PTPRD: variants seen among roughly 807,000 people sequenced by gnomAD.
PTPRD encodes receptor-type tyrosine-protein phosphatase delta.
A neutral mutation model predicts 214.5 loss-of-function variants in PTPRD; 34 were observed. That is an observed-to-expected ratio of 0.16 (90% CI 0.12 to 0.21). The LOEUF is 0.21. PTPRD is among the 10% of genes least tolerant of loss of function. The probability of loss-of-function intolerance (pLI) is 1.00; values close to 1 mark genes in which losing one functional copy is unlikely to be tolerated. For missense variants in PTPRD, 2,545 were observed against 2,398.7 expected (o/e 1.06, Z -1.27); for synonymous variants, 1,128 against 845.7 (o/e 1.33, Z -5.79).
chr9:10,309,275 A>G (rs911350449), intron 3 of PTPRD, among the ~76,000 whole-genome samples: 4 of 152,090 alleles, frequency 2.6e-5, no homozygotes, highest in Non-Finnish European at 4.4e-5. Context: ...CTTCACTTAA[A>G]AAATGGCTTA....
intron 9 of PTPRD, among the ~76,000 whole-genome samples, chr9:9,276,061 G>A (rs975062252): frequency 3.3e-5 from 5 of 151,444 alleles, no homozygotes; most frequent in Non-Finnish European, 7.4e-5. Context: ...GTAGGTTATA[G>A]CTCAGCTAAA....
At chr9:8,616,653 C>A (rs1388966696) in intron 14 of PTPRD, among the ~76,000 whole-genome samples, 1 of 152,088 alleles carries the variant, frequency 6.6e-6, no homozygotes, top group Non-Finnish European at 1.5e-5. Context: ...CTCATATCTG[C>A]AATCTTATTC....
intron 2 of PTPRD, among the ~76,000 whole-genome samples, chr9:10,490,631 T>C (rs984882988): frequency 6.6e-6 from 1 of 152,166 alleles, no homozygotes; most frequent in African/African-American, 2.4e-5. Context: ...CTCAATTTGC[T>C]TTTCAATTTT....
At chr9:10,282,211 C>T (rs887682624) in intron 3 of PTPRD, among the ~76,000 whole-genome samples, 4 of 152,096 alleles carry the variant, frequency 2.6e-5, no homozygotes, top group African/African-American at 9.7e-5. Context: ...CCTTTGCTCT[C>T]TAAAATGGGA....
chr9:8,504,801 C>T (rs996671320), intron 22 of PTPRD, among the ~76,000 whole-genome samples: 3 of 152,120 alleles, frequency 2.0e-5, no homozygotes, highest in African/African-American at 7.2e-5. Flanking sequence ...CCAACATGTG[C>T]AATTTTAATT....
At chr9:8,612,972 C>G (rs1159238816) in intron 14 of PTPRD, among the ~76,000 whole-genome samples, 1 of 152,032 alleles carries the variant, frequency 6.6e-6, no homozygotes, top group African/African-American at 2.4e-5. Flanking sequence ...GGTATTAAAA[C>G]TTACAAAAAG....
intron 9 of PTPRD, among the ~76,000 whole-genome samples, chr9:9,261,440 T>C (rs933392104): frequency 6.6e-6 from 1 of 152,000 alleles, no homozygotes; most frequent in African/African-American, 2.4e-5. Flanking sequence ...ATTAATTCCA[T>C]TTAGATAAAT....
intron 37 of PTPRD, among the ~76,000 whole-genome samples, chr9:8,388,923 A>G (rs893339194): frequency 1.2e-4 from 19 of 152,098 alleles, no homozygotes; most frequent in Non-Finnish European, 1.0e-4. Flanking sequence ...GTGTTTTTGA[A>G]AGAGGTTCAA....
intron 12 of PTPRD, among the ~76,000 whole-genome samples, chr9:8,651,036 C>G (rs1243380601): frequency 6.6e-6 from 1 of 152,134 alleles, no homozygotes; most frequent in African/African-American, 2.4e-5. Flanking sequence ...TTCTGGTATA[C>G]TTCCAATTGA....
chr9:9,615,792 A>T (rs7025310), intron 7 of PTPRD, among the ~76,000 whole-genome samples: 51,276 of 151,942 alleles, frequency 0.34, 9,027 homozygotes, highest in Middle Eastern at 0.42. Flanking sequence ...TGAGTATTAT[A>T]ATCCACATTT....
At chr9:10,312,725 G>A (rs1017707586) in intron 3 of PTPRD, among the ~76,000 whole-genome samples, 7 of 151,878 alleles carry the variant, frequency 4.6e-5, no homozygotes, top group Admixed American at 3.9e-4. Context: ...CAATAAAAAT[G>A]ATGCTAAAGT....
At chr9:9,016,475 A>T (rs991525713) in intron 11 of PTPRD, among the ~76,000 whole-genome samples, 1 of 152,138 alleles carries the variant, frequency 6.6e-6, no homozygotes, top group African/African-American at 2.4e-5. Flanking sequence ...TGAGATTTAC[A>T]TGAGAGAATA....
rs547307832 is a variant in PTPRD, at chr9:10,449,412, G to A, written c.-599-108395C>T. Among the ~76,000 whole-genome samples, 38 of 151,960 alleles carry A rather than the reference G, an allele frequency of 2.5e-4. 1 individual carries two copies. The highest frequency in any genetic ancestry group is 8.0e-4 in the African/African-American group (33 of 41,250). ...TACAACCTCCACCTCCCAGCCGCCT[G>A]CCTTGGCCTCCCAAAGTACCAAGAT... On this transcript the variant is annotated intron_variant, in intron 2 of 45. Coordinates refer to ENST00000381196, the MANE Select transcript of PTPRD (RefSeq NM_002839.4).
chr9:10,518,941 G>A (rs1380967860), intron 2 of PTPRD, among the ~76,000 whole-genome samples: 1 of 151,652 alleles, frequency 6.6e-6, no homozygotes, highest in Non-Finnish European at 1.5e-5. Flanking sequence ...AGGGCAAGAA[G>A]ATGCCATGCT....
chr9:8,520,176 C>G (rs2097860210), intron 20 of PTPRD, among the ~76,000 whole-genome samples: 1 of 152,128 alleles, frequency 6.6e-6, no homozygotes, highest in Admixed American at 6.6e-5. Context: ...ATTAGTTTCA[C>G]TAAGTCACAT....
chr9:9,211,515 G>GCACACACACA (rs36213005), intron 9 of PTPRD, among the ~76,000 whole-genome samples: 106 of 143,648 alleles, frequency 7.4e-4, no homozygotes, highest in Non-Finnish European at 1.3e-3. Context: ...GTGTGCGCAC[G>GCACACACACA]CACACACACA....
Position 8,835,901 on chromosome 9 carries a change from A to G in PTPRD, c.-103-101955T>C, listed in dbSNP as rs187533443. On this transcript the variant is annotated intron_variant, in intron 11 of 45. Coordinates refer to ENST00000381196, the MANE Select transcript of PTPRD (RefSeq NM_002839.4). ...TTACATATTATTATATATCTCTTTA[A>G]CAACACTCTCCCATTAGAATGGAAG... Among the ~76,000 whole-genome samples the G allele has an allele frequency of 3.9e-5, 6 of 152,170 alleles. No individual in the cohort carries two copies. The East Asian group carries it at 9.7e-4, about 25-fold the overall frequency.
chr9:10,607,658 G>C (rs749041940), intron 2 of PTPRD, among the ~76,000 whole-genome samples: 2 of 151,542 alleles, frequency 1.3e-5, no homozygotes, highest in Non-Finnish European at 3.0e-5. Flanking sequence ...ATCACATATA[G>C]AAAACAATTG....
intron 27 of PTPRD, among the ~76,000 whole-genome samples, chr9:8,492,088 G>C (rs867129546): frequency 6.6e-6 from 1 of 152,184 alleles, no homozygotes; most frequent in Non-Finnish European, 1.5e-5. Context: ...ATTCTTTAGA[G>C]GGGAGTAATT....
Sources: gnomAD v4.1 joint callset for allele counts (sites outside exome capture counted in the v4.1 genomes callset) on GRCh38, gnomAD v4.1.1 for gene constraint, MANE v1.5 for transcripts, NCBI Gene and HGNC (gene_info 2026-07-23, HGNC 2026-07-21) for gene names.